PPFIBP2: variants seen among roughly 807,000 people sequenced by gnomAD.
PPFIBP2 encodes the protein PPFIB scaffold protein 2.
PPFIBP2 carries 118 observed loss-of-function variants against 118.3 expected under a neutral mutation model. The ratio of observed to expected loss-of-function variants is 1.00; its 90% CI spans 0.86 to 1.16. The LOEUF is 1.16. PPFIBP2 is among the 50% of genes most tolerant of loss of function. PPFIBP2 has a pLI of 0.00. For synonymous variants in PPFIBP2, 414 were observed against 397.4 expected, an observed-to-expected ratio of 1.04 and a Z score of -0.50; for missense variants, 1,195 against 1,073.1, an observed-to-expected ratio of 1.11 and a Z score of -1.59.
chr11:7,575,544 C>T (rs552132938), intron 3 of PPFIBP2, among the ~76,000 whole-genome samples: 3 of 152,314 alleles, frequency 2.0e-5, no homozygotes, highest in East Asian at 3.9e-4. Flanking sequence ...TGGAACCTTG[C>T]GCCACCTCTC....
chr11:7,530,997 G>T (rs1041039297), intron 1 of PPFIBP2, among the ~76,000 whole-genome samples: 1 of 152,146 alleles, frequency 6.6e-6, no homozygotes, highest in African/African-American at 2.4e-5. Flanking sequence ...ATGGGAGAGA[G>T]GTCCCAGGAG....
intron 1 of PPFIBP2, among the ~76,000 whole-genome samples, chr11:7,533,104 A>G (rs980295163): frequency 2.6e-5 from 4 of 151,644 alleles, no homozygotes; most frequent in Non-Finnish European, 4.4e-5. Context: ...TTTATTATCT[A>G]TTAGGGGAAG....
chr11:7,520,811 A>G (rs1194925284), intron 1 of PPFIBP2, among the ~76,000 whole-genome samples: 1 of 152,060 alleles, frequency 6.6e-6, no homozygotes, highest in African/African-American at 2.4e-5. Context: ...TCTTAGTATC[A>G]TTTTTTGGTT....
intron 1 of PPFIBP2, among the ~76,000 whole-genome samples, chr11:7,531,809 T>C (rs1392758471): frequency 2.0e-5 from 3 of 152,144 alleles, no homozygotes; most frequent in Non-Finnish European, 4.4e-5. Context: ...TTGGGGCCTC[T>C]CCTTGACTTT....
At chr11:7,561,746 C>T (rs1854320235) in intron 2 of PPFIBP2, among the ~76,000 whole-genome samples, 1 of 152,224 alleles carries the variant, frequency 6.6e-6, no homozygotes, top group African/African-American at 2.4e-5. Context: ...TTACCCCAAA[C>T]ATAACATCAT....
Position 7,651,737 on chromosome 11 carries a change from C to G in PPFIBP2, c.2329C>G (p.Leu777Val), listed in dbSNP as rs761669984. 1.2e-6 allele frequency: 2 copies of G among 1,614,174 alleles called. No homozygotes were observed. The highest frequency in any genetic ancestry group is 1.7e-6 in the Non-Finnish European group (2 of 1,179,970). The change falls in exon 23 of 24, where the codon CTG becomes GTG. Residue 777 changes from leucine (L) to valine (V), a missense_variant. Leu to Val is a conservative substitution (Grantham distance 32). Transcript: ENST00000299492. ...PPQKTLLRRH[L>V]TTKFNALIGP... ...ACAAAAGACGCTCCTCAGGCGCCAC[C>G]TGACCACCAAGTTCAATGCCTTGAT...
intron 3 of PPFIBP2, among the ~76,000 whole-genome samples, chr11:7,585,184 T>C (rs2135104152): frequency 6.6e-6 from 1 of 152,286 alleles, no homozygotes; most frequent in Middle Eastern, 3.4e-3. Flanking sequence ...TATAGCTTAT[T>C]AGAAGCACTG....
At chr11:7,649,260 TCAGTTGTCCCTGTGAG>T (rs1246348457) in intron 20 of PPFIBP2, 25 bp downstream of exon 20, 5 of 1,592,078 alleles carry the variant, frequency 3.1e-6, no homozygotes, top group Non-Finnish European at 4.3e-6. Flanking sequence ...TTTAAATATT[TCAGTTGTCCCTGTGAG>T]CACTCAGCTC....
At chr11:7,665,684 T>A in the PPFIBP2 span, 442,404 of 1,142,574 alleles carry the variant, frequency 0.39, 91,867 homozygotes, top group Non-Finnish European at 0.43. Context: ...GTACTACTGC[T>A]CCCTGCAAAA....
chr11:7,651,913 C>T lies in PPFIBP2; in HGVS notation c.2436+69C>T. The stretch of plus-strand genomic sequence containing the variant: ...GGCCCTCACGCAGCACAGCACCTGG[C>T]GCGATGCCCACAGCCAGAGCAGCAT... On this transcript the variant is annotated intron_variant, in intron 23 of 23. Coordinates refer to ENST00000299492, the MANE Select transcript of PPFIBP2 (RefSeq NM_003621.5). 1.5e-5 allele frequency: 21 copies of T among 1,403,606 alleles called. No homozygotes were observed. In the South Asian group the frequency reaches 2.0e-4, roughly 13 times the overall value. The allele number at this position is 1,403,606 out of a possible 1,614,324, so 86.9% of individuals were successfully genotyped here. A position where few individuals can be genotyped will look rare whatever the true frequency, so the allele number is the denominator to read the frequency against.
At chr11:7,635,823 T>C (rs1411518566) in intron 14 of PPFIBP2, among the ~76,000 whole-genome samples, 1 of 152,164 alleles carries the variant, frequency 6.6e-6, no homozygotes, top group African/African-American at 2.4e-5. Flanking sequence ...ATCACCTCCA[T>C]TTTATAGGCT....
intron 3 of PPFIBP2, among the ~76,000 whole-genome samples, chr11:7,581,276 G>A (rs1261944394): frequency 2.6e-5 from 4 of 152,176 alleles, no homozygotes; most frequent in Admixed American, 1.3e-4. Flanking sequence ...AAATAGCTCC[G>A]AGCAGGGTCT....
chr11:7,601,918 A>G (rs1267172925), intron 5 of PPFIBP2, among the ~76,000 whole-genome samples: 2 of 151,502 alleles, frequency 1.3e-5, no homozygotes, highest in Non-Finnish European at 2.9e-5. Context: ...ACATGGTGAA[A>G]CCCCGTCTCT....
downstream of PPFIBP2, among the ~76,000 whole-genome samples, chr11:7,658,471 T>C (rs1424865236): frequency 1.1e-5 from 1 of 92,096 alleles, no homozygotes; most frequent in Non-Finnish European, 2.1e-5. Context: ...ACAAAGGACA[T>C]GAACTCATCA....
At chr11:7,628,507 C>T (rs1050139017) in intron 9 of PPFIBP2, among the ~76,000 whole-genome samples, 161 bp downstream of exon 9, 1 of 152,180 alleles carries the variant, frequency 6.6e-6, no homozygotes, top group Non-Finnish European at 1.5e-5. Flanking sequence ...GACTTGGCCT[C>T]AGCCACCTGT....
At chr11:7,664,890 A>G in the PPFIBP2 span, among the ~76,000 whole-genome samples, 1 of 139,606 alleles carries the variant, frequency 7.2e-6, no homozygotes, top group African/African-American at 2.7e-5. Flanking sequence ...TTGAAAGTTG[A>G]GAAGTTTCTG....
intron 21 of PPFIBP2, 42 bp from the exon 22 acceptor site, chr11:7,650,798 C>G: frequency 1.9e-6 from 3 of 1,605,144 alleles, no homozygotes; most frequent in Non-Finnish European, 2.6e-6. Flanking sequence ...ATGGTGGGAC[C>G]TATTAAGCCT....
chr11:7,650,693 T>C (rs1259447319), intron 21 of PPFIBP2, 147 bp from the exon 22 acceptor site: 1 of 705,192 alleles, frequency 1.4e-6, no homozygotes, highest in Non-Finnish European at 2.2e-6. Context: ...GCTGGTGCTC[T>C]GGCAGATGGG....
At chr11:7,593,754 A>G (rs554093173) in intron 4 of PPFIBP2, among the ~76,000 whole-genome samples, 1 of 152,224 alleles carries the variant, frequency 6.6e-6, no homozygotes, top group East Asian at 1.9e-4. Context: ...GAAAGAGAGG[A>G]GCTCCAAAAC....
Sources: gnomAD v4.1 joint callset for allele counts (sites outside exome capture counted in the v4.1 genomes callset) on GRCh38, gnomAD v4.1.1 for gene constraint, MANE v1.5 for transcripts, NCBI Gene and HGNC (gene_info 2026-07-23, HGNC 2026-07-21) for gene names.